The following DGKG variants were observed in gnomAD, a reference collection of about 807,000 sequenced individuals.
DGKG encodes the protein diacylglycerol kinase gamma.
A neutral mutation model predicts 105.3 loss-of-function variants in DGKG; 78 were observed. The observed-to-expected ratio is 0.74, with a 90% confidence interval of 0.62 to 0.89. The LOEUF (loss-of-function observed/expected upper bound fraction) is 0.89, where lower values mean the gene tolerates loss of function less well. Ranked by LOEUF, DGKG falls within the 40% of genes least tolerant of loss-of-function variation. The pLI, the probability that DGKG is intolerant of heterozygous loss-of-function variation, is 0.00. For synonymous variants in DGKG, 346 were observed against 367.1 expected (o/e 0.94, Z 0.66); for missense variants, 958 against 1,020.1 (o/e 0.94, Z 0.83).
chr3:186,343,383 C>G (rs147651708), intron 1 of DGKG, among the ~76,000 whole-genome samples: 1 of 152,084 alleles, frequency 6.6e-6, no homozygotes, highest in East Asian at 1.9e-4. Flanking sequence ...TTCTGCCTCA[C>G]GGGGTGAAGT....
intron 20 of DGKG, among the ~76,000 whole-genome samples, chr3:186,232,596 G>A (rs968525263): frequency 6.6e-6 from 1 of 152,102 alleles, no homozygotes; most frequent in Non-Finnish European, 1.5e-5. Context: ...GGGAATATGA[G>A]TGATTGGTTT....
Position 186,149,204 on chromosome 3 carries a change from C to G in DGKG, c.*886G>C. 1.0e-6 allele frequency: 1 copy of G among 984,634 alleles called. No individual in the cohort carries two copies. The highest frequency in any genetic ancestry group is 1.2e-6 in the Non-Finnish European group (1 of 829,706). The allele number at this position is 984,634 out of a possible 1,614,324, so 61.0% of individuals were successfully genotyped here. A position where few individuals can be genotyped will look rare whatever the true frequency, so the allele number is the denominator to read the frequency against. On this transcript the variant is annotated 3_prime_UTR_variant, in exon 25 of 25. Transcript: ENST00000265022. Reference sequence around the variant, plus strand: ...GCTTGGAACTCAAACAGGAAACACGCTTTGGCTTGAAAAAGAAAGAAGCTG... The same window carrying G: ...GCTTGGAACTCAAACAGGAAACACGGTTTGGCTTGAAAAAGAAAGAAGCTG...
rs1311696835 is a variant in DGKG, at chr3:186,288,738, C to T, written c.516G>A (p.Glu172=). 22 of 1,614,104 alleles carry T rather than the reference C, an allele frequency of 1.4e-5. No homozygotes were observed. The highest frequency in any genetic ancestry group is 1.8e-5 in the Non-Finnish European group (21 of 1,180,042). ...CCAGCTTATCCTGAGGCCTCCCCGT[C>T]TCCAGCAGGGACAGGTAGCACACAA... ...KDVVCYLSLL[E]TGRPQDKLEF... is the part of the protein sequence containing the mutation. The change falls in exon 6 of 25, where the codon GAG becomes GAA. Residue 172 remains glutamate (E), a synonymous_variant. Transcript: ENST00000265022.
intron 20 of DGKG, among the ~76,000 whole-genome samples, chr3:186,228,740 G>C (rs1578694456): frequency 6.6e-6 from 1 of 152,164 alleles, no homozygotes; most frequent in Admixed American, 6.5e-5. Context: ...TCATGCAAAT[G>C]TTACCTTCCT....
rs112047120 is a variant in DGKG at position 186,149,984 on chromosome 3, A to ATGTGTG, written c.*100_*105dup. ...TTCCACTGGTTAGAGAAGAGTGTGT[A>ATGTGTG]TGTGTGTGTGTGTGTGCATGTGTGA... On this transcript the variant is annotated 3_prime_UTR_variant, in exon 25 of 25. Coordinates refer to ENST00000265022, the MANE Select transcript of DGKG (RefSeq NM_001346.3). 7.1e-6 allele frequency: 10 copies of ATGTGTG among 1,402,814 alleles called. No individual in the cohort carries two copies. The African/African-American group carries it at 1.5e-4, about 21-fold the overall frequency. 86.9% of individuals were successfully genotyped at this position (1,402,814 alleles called of 1,614,324 possible). A position where few individuals can be genotyped will look rare whatever the true frequency, so the allele number is the denominator to read the frequency against.
At chr3:186,257,218 G>T (rs978536753) in intron 17 of DGKG, among the ~76,000 whole-genome samples, 1 of 152,180 alleles carries the variant, frequency 6.6e-6, no homozygotes, top group Admixed American at 6.5e-5. Flanking sequence ...GTTCTGTAGG[G>T]TTAGATCTTG....
At chr3:186,315,655 A>G (rs1277470482) in intron 2 of DGKG, among the ~76,000 whole-genome samples, 2 of 151,900 alleles carry the variant, frequency 1.3e-5, no homozygotes, top group Non-Finnish European at 2.9e-5. Flanking sequence ...AATAGTACAA[A>G]TGTAGTAAAA....
At chr3:186,251,166 C>T (rs964424173) in intron 19 of DGKG, among the ~76,000 whole-genome samples, 5 of 152,172 alleles carry the variant, frequency 3.3e-5, no homozygotes, top group African/African-American at 9.7e-5. Flanking sequence ...GCAGAGTGTG[C>T]ATGAATGGGG....
At chr3:186,173,405 C>T (rs1716923243) in intron 22 of DGKG, among the ~76,000 whole-genome samples, 1 of 152,250 alleles carries the variant, frequency 6.6e-6, no homozygotes. Flanking sequence ...GTGTGGGAAC[C>T]TCTTAACCTC....
intron 20 of DGKG, among the ~76,000 whole-genome samples, chr3:186,221,112 T>C (rs1034649517): frequency 3.3e-5 from 5 of 152,268 alleles, no homozygotes; most frequent in Admixed American, 3.3e-4. Context: ...ACACTGCCCC[T>C]CTGAGGCCAG....
rs138676413 is a variant in DGKG, at chr3:186,278,451, G to A, written c.792+1400C>T. Among the ~76,000 whole-genome samples the A allele has an allele frequency of 3.4e-3, 510 of 152,186 alleles. 6 individuals are homozygous for A. The highest frequency in any genetic ancestry group is 0.011 in the African/African-American group (464 of 41,514). On this transcript the variant is annotated intron_variant, in intron 9 of 24. Coordinates refer to ENST00000265022, the MANE Select transcript of DGKG (RefSeq NM_001346.3). ...GAGGCGTGATGTGAGCGAGTAAGGG[G>A]GATGATCTCTGGTGCTAGTTCGGTG...
chr3:186,160,333 C>CT (rs200675330), intron 24 of DGKG: 701 of 961,862 alleles, frequency 7.3e-4, no homozygotes, highest in East Asian at 9.2e-4. Context: ...TTTCTTCCAC[C>CT]TTTTTTTTTG....
At chr3:186,314,964 G>A (rs1000625655) in intron 2 of DGKG, among the ~76,000 whole-genome samples, 1 of 151,932 alleles carries the variant, frequency 6.6e-6, no homozygotes, top group Non-Finnish European at 1.5e-5. Flanking sequence ...AAGAAAAAAT[G>A]CCCACCCCCC....
At chr3:186,233,148 CA>C (rs537237570) in intron 20 of DGKG, among the ~76,000 whole-genome samples, 69 of 152,166 alleles carry the variant, frequency 4.5e-4, no homozygotes, top group Non-Finnish European at 8.1e-4. Flanking sequence ...TTTAAGTTGC[CA>C]GTCAATTGAC....
chr3:186,320,504 G>T lies in DGKG; in HGVS notation c.-45C>A. On this transcript the variant is annotated 5_prime_UTR_variant, in exon 2 of 25. Transcript: ENST00000265022. Reference sequence around the variant, plus strand: ...GGCTAAAGGGCAGTGATGGAGTTTTGTTCACTAGGCTGAAGTGGAGGCCCA... The same window carrying T: ...GGCTAAAGGGCAGTGATGGAGTTTTTTTCACTAGGCTGAAGTGGAGGCCCA... 2 of 1,614,044 alleles carry T rather than the reference G, an allele frequency of 1.2e-6. No homozygotes were observed. The highest frequency in any genetic ancestry group is 1.7e-6 in the Non-Finnish European group (2 of 1,179,962).
At chr3:186,171,212 T>G (rs932063623) in intron 22 of DGKG, among the ~76,000 whole-genome samples, 15 of 152,216 alleles carry the variant, frequency 9.9e-5, no homozygotes, top group African/African-American at 1.4e-4. Context: ...TCTTGTTTTG[T>G]TTATCTTTGT....
At chr3:186,169,820 A>T (rs746808230) in intron 22 of DGKG, among the ~76,000 whole-genome samples, 1 of 152,232 alleles carries the variant, frequency 6.6e-6, no homozygotes, top group Non-Finnish European at 1.5e-5. Flanking sequence ...AAGGAAGATA[A>T]GGGCATTGAT....
chr3:186,149,587 T>C lies in DGKG; in HGVS notation c.*503A>G. The C allele has an allele frequency of 2.0e-6, 2 of 985,838 alleles. No individual in the cohort carries two copies. Among genetic ancestry groups the C allele is most frequent in the Non-Finnish European group, 2.4e-6 (2 of 830,060 alleles). 61.1% of individuals were successfully genotyped at this position (985,838 alleles called of 1,614,324 possible). ...GCGCCTGCTGAGCCCTGCCAAGGAT[T>C]ATGCTCTGAGAGCCGGAGGCCGTTT... On this transcript the variant is annotated 3_prime_UTR_variant, in exon 25 of 25. Coordinates refer to ENST00000265022, the MANE Select transcript of DGKG (RefSeq NM_001346.3).
chr3:186,330,373 C>T (rs192787532), intron 1 of DGKG, among the ~76,000 whole-genome samples: 59 of 152,302 alleles, frequency 3.9e-4, no homozygotes, highest in African/African-American at 1.3e-3. Context: ...TCGTCATTTA[C>T]ATTGGTGGTC....
Sources: gnomAD v4.1 joint callset for allele counts (sites outside exome capture counted in the v4.1 genomes callset) on GRCh38, gnomAD v4.1.1 for gene constraint, MANE v1.5 for transcripts, NCBI Gene and HGNC (gene_info 2026-07-23, HGNC 2026-07-21) for gene names.